The following CEP126 variants were observed in gnomAD, a reference collection of about 807,000 sequenced individuals.
CEP126 encodes the protein centrosomal protein of 126 kDa.
A neutral mutation model predicts 107.8 loss-of-function variants in CEP126; 74 were observed. That is an observed-to-expected ratio of 0.69 (90% CI 0.57 to 0.83). The LOEUF (loss-of-function observed/expected upper bound fraction) is 0.83, where lower values mean the gene tolerates loss of function less well. Among genes scored for constraint, CEP126 ranks in the 40% least tolerant of loss-of-function variants. The pLI is 0.00. For synonymous variants in CEP126, 449 were observed against 446.0 expected (o/e 1.01, Z -0.08); for missense variants, 1,237 against 1,281.9 (o/e 0.96, Z 0.53).
chr11:101,917,666 A>G (rs961658842), intron 1 of CEP126, among the ~76,000 whole-genome samples: 2 of 150,262 alleles, frequency 1.3e-5, no homozygotes, highest in African/African-American at 2.4e-5. Context: ...TTCCTCATAA[A>G]TATCTCTACC....
chr11:101,970,662 G>C (rs1300270006), intron 6 of CEP126, among the ~76,000 whole-genome samples: 1 of 151,512 alleles, frequency 6.6e-6, no homozygotes, highest in African/African-American at 2.4e-5. Context: ...TCAAAAATTT[G>C]ATTACTAGAA....
Position 101,996,159 on chromosome 11 carries a change from G to T in CEP126, c.3310-1440G>T, listed in dbSNP as rs1941438798. On this transcript the variant is annotated intron_variant, in intron 10 of 10. Transcript: ENST00000263468. ...AACAGCAGCCCTAGGCCGACCACCAGGCACTGGGCTGCAGACCTGAAGACA... is the reference window on the plus strand; with the variant it reads ...AACAGCAGCCCTAGGCCGACCACCATGCACTGGGCTGCAGACCTGAAGACA... Among the ~76,000 whole-genome samples the T allele has an allele frequency of 2.0e-5, 3 of 152,198 alleles. No homozygotes were observed. The South Asian group carries it at 6.2e-4, about 32-fold the overall frequency.
chr11:101,993,206 C>T (rs923738441), intron 10 of CEP126, among the ~76,000 whole-genome samples: 2 of 152,128 alleles, frequency 1.3e-5, no homozygotes, highest in Admixed American at 1.3e-4. Context: ...TCTCCTTCCT[C>T]CCACCCTCCA....
At chr11:101,988,501 G>A (rs1389972097) in intron 9 of CEP126, among the ~76,000 whole-genome samples, 1 of 151,972 alleles carries the variant, frequency 6.6e-6, no homozygotes, top group Non-Finnish European at 1.5e-5. Context: ...GATGAACAAT[G>A]CCAATCTACA....
At chr11:101,930,090 C>G (rs1940471977) in intron 2 of CEP126, among the ~76,000 whole-genome samples, 1 of 150,484 alleles carries the variant, frequency 6.6e-6, no homozygotes, top group African/African-American at 2.4e-5. Flanking sequence ...AGCACCATGT[C>G]CTTTCTCAGG....
In CEP126 at chr11:101,937,734, T is replaced by A. The variant is rs1235162175; in HGVS notation, c.249-6531T>A. 5.9e-5 allele frequency among the ~76,000 whole-genome samples: 9 copies of A among 152,158 alleles called. 1 individual carries two copies. The East Asian group carries it at 1.7e-3, about 29-fold the overall frequency. ...TCTTTTAAACGTTTGACAAAAAAAT[T>A]ATAATATATCTGAACCTAGAGTTTT... On this transcript the variant is annotated intron_variant, in intron 2 of 10. Coordinates refer to ENST00000263468, the MANE Select transcript of CEP126 (RefSeq NM_020802.4).
At chr11:101,916,710 G>C (rs940187851) in intron 1 of CEP126, among the ~76,000 whole-genome samples, 1 of 152,108 alleles carries the variant, frequency 6.6e-6, no homozygotes, top group Non-Finnish European at 1.5e-5. Context: ...TCAGAAAATA[G>C]GGAAGTATTG....
Position 101,958,193 on chromosome 11 carries a change from G to T in CEP126, c.532G>T (p.Ala178Ser). 1 of 1,613,630 alleles carries T rather than the reference G, an allele frequency of 6.2e-7. No homozygotes were observed. Among genetic ancestry groups the T allele is most frequent in the South Asian group, 1.1e-5 (1 of 91,068 alleles). The change falls in exon 5 of 11, where the codon GCA becomes TCA. Residue 178 changes from alanine to serine, a missense_variant. By Grantham distance (99) the Ala-to-Ser change is moderately conservative (BLOSUM62 1). This residue lies in a region of CEP126 where 1,134 missense variants were observed against 1,150.5 expected (regional missense o/e 0.99). Transcript: ENST00000263468. ...AGCTATAGATTCTGCCTTGCCTTCC[G>T]CATTATCAAAAAATGATCACAAGCA... ...WRAIDSALPS[A>S]LSKNDHKHQK...
chr11:101,928,444 T>C (rs555932002), intron 2 of CEP126, among the ~76,000 whole-genome samples: 7 of 152,218 alleles, frequency 4.6e-5, no homozygotes, highest in Admixed American at 1.3e-4. Context: ...TGCGTAGCCC[T>C]AGGTTCTGAA....
chr11:101,930,319 CT>C (rs1940476653), intron 2 of CEP126, among the ~76,000 whole-genome samples: 1 of 152,150 alleles, frequency 6.6e-6, no homozygotes, highest in African/African-American at 2.4e-5. Flanking sequence ...TGAATCTTCT[CT>C]AGATTACTTA....
rs147148040 is a variant in CEP126, at chr11:101,999,764, T to G, written c.*2121T>G. On this transcript the variant is annotated 3_prime_UTR_variant, in exon 11 of 11. Transcript: ENST00000263468. ...CTATAAACGTGAAAACTAACATTTTTGGCCAGACACAGTGGCTCATGCATG... is the reference window on the plus strand; with the variant it reads ...CTATAAACGTGAAAACTAACATTTTGGGCCAGACACAGTGGCTCATGCATG... The G allele has an allele frequency of 1.6e-3, 240 of 152,358 alleles. 2 individuals carry two copies. Among genetic ancestry groups the G allele is most frequent in the African/African-American group, 5.3e-3 (220 of 41,574 alleles). 9.4% of individuals were successfully genotyped at this position (152,358 alleles called of 1,614,324 possible). A position where few individuals can be genotyped will look rare whatever the true frequency, so the allele number is the denominator to read the frequency against.
At chr11:101,926,471 A>G (rs963655156) in intron 2 of CEP126, among the ~76,000 whole-genome samples, 1 of 152,242 alleles carries the variant, frequency 6.6e-6, no homozygotes, top group Non-Finnish European at 1.5e-5. Flanking sequence ...CAATCTAAAG[A>G]AATCAAAGAT....
At chr11:101,979,175 G>A (rs981172369) in intron 7 of CEP126, among the ~76,000 whole-genome samples, 1 of 151,886 alleles carries the variant, frequency 6.6e-6, no homozygotes, top group Non-Finnish European at 1.5e-5. Context: ...GACAACTATA[G>A]TTTCATGTGA....
In CEP126 at chr11:101,962,996, GAAC is replaced by G; in HGVS notation, c.1965_1967del (p.Thr656del). 1.2e-6 allele frequency: 2 copies of G among 1,613,500 alleles called. No homozygotes were observed. The highest frequency in any genetic ancestry group is 2.2e-5 in the South Asian group (2 of 90,852). On this transcript the variant is annotated inframe_deletion, in exon 6 of 11. Transcript: ENST00000263468. ...AGTCATTCACTGAAGAATAAAACAG[GAAC>G]AACTCAACAGCATTCTCAACAATTC...
At chr11:101,994,388 C>T (rs544165467) in intron 10 of CEP126, among the ~76,000 whole-genome samples, 2 of 152,258 alleles carry the variant, frequency 1.3e-5, no homozygotes, top group East Asian at 3.9e-4. Flanking sequence ...TTCCATTTGT[C>T]AATGTTTGCT....
intron 4 of CEP126, among the ~76,000 whole-genome samples, chr11:101,954,533 G>A (rs1012091101): frequency 6.6e-6 from 1 of 152,012 alleles, no homozygotes; most frequent in South Asian, 2.1e-4. Context: ...TTATAGAAAT[G>A]ATCTTCATTG....
chr11:101,952,785 A>G (rs1940830040), intron 4 of CEP126, among the ~76,000 whole-genome samples: 1 of 152,232 alleles, frequency 6.6e-6, no homozygotes, highest in Non-Finnish European at 1.5e-5. Flanking sequence ...CCATGAATGT[A>G]GACATGACAG....
intron 4 of CEP126, chr11:101,956,954 T>G (rs1328529273): frequency 3.0e-6 from 1 of 334,926 alleles, no homozygotes; most frequent in Admixed American, 4.5e-5. Context: ...GTAAATAAAT[T>G]GAGTTTATTA....
chr11:101,968,546 G>T (rs1317735153), intron 6 of CEP126, among the ~76,000 whole-genome samples: 1 of 152,134 alleles, frequency 6.6e-6, no homozygotes, highest in Non-Finnish European at 1.5e-5. Context: ...GAAAATTGTT[G>T]ACCAATGATA....
Sources: gnomAD v4.1 joint callset for allele counts (sites outside exome capture counted in the v4.1 genomes callset) on GRCh38, gnomAD v4.1.1 for gene constraint, gnomAD v4.1.1 regional missense constraint, MANE v1.5 for transcripts, NCBI Gene and HGNC (gene_info 2026-07-23, HGNC 2026-07-21) for gene names.